The following LPCAT1 variants were observed in gnomAD, a reference collection of about 807,000 sequenced individuals.
The protein encoded by LPCAT1 is 1-acylglycerol-3-phosphate O-acyltransferase.
LPCAT1 carries 23 observed loss-of-function variants against 60.9 expected under a neutral mutation model. That is an observed-to-expected ratio of 0.38 (90% CI 0.27 to 0.53). The LOEUF (loss-of-function observed/expected upper bound fraction) is 0.53, where lower values mean the gene tolerates loss of function less well. Ranked by LOEUF, LPCAT1 falls within the 20% of genes least tolerant of loss-of-function variation. The pLI is 0.82. For missense variants in LPCAT1, 622 were observed against 723.6 expected (o/e 0.86, Z 1.61); for synonymous variants, 340 against 301.1 (o/e 1.13, Z -1.34).
In LPCAT1 at chr5:1,501,417, G is replaced by C. The variant is rs752054716; in HGVS notation, c.278+44C>G. ...GAATGGGTTCCCACTGTTTGGCCGC[G>C]TGACCCCCCCCCAGGAGGAGAGCAC... is the stretch of plus-strand genomic sequence containing the variant. On this transcript the variant is annotated intron_variant, in intron 2 of 13. Transcript: ENST00000283415. 3.8e-6 allele frequency: 6 copies of C among 1,567,948 alleles called. No homozygotes were observed. In the East Asian group the frequency reaches 1.4e-4, roughly 37 times the overall value.
chr5:1,464,039 C>A (rs548338145), intron 13 of LPCAT1, among the ~76,000 whole-genome samples: 2 of 152,192 alleles, frequency 1.3e-5, no homozygotes, highest in African/African-American at 4.8e-5. Flanking sequence ...CCCTGACAAC[C>A]GGGGCAGGCT....
intron 1 of LPCAT1, among the ~76,000 whole-genome samples, chr5:1,511,803 C>T (rs535224247): frequency 6.6e-6 from 1 of 152,352 alleles, no homozygotes; most frequent in South Asian, 2.1e-4. Context: ...GTCCATCGAG[C>T]AGCCTCATGC....
At chr5:1,515,541 C>A (rs1332148888) in intron 1 of LPCAT1, among the ~76,000 whole-genome samples, 1 of 144,954 alleles carries the variant, frequency 6.9e-6, no homozygotes, top group Admixed American at 7.1e-5. Context: ...GATACAGGGG[C>A]CCCCCAGAAC....
chr5:1,514,505 C>T (rs1480107315), intron 1 of LPCAT1, among the ~76,000 whole-genome samples: 7 of 152,208 alleles, frequency 4.6e-5, no homozygotes, highest in South Asian at 2.1e-4. Context: ...CACTGGGGGA[C>T]TCAAAGTCCA....
chr5:1,483,889 C>T lies in LPCAT1; in HGVS notation c.668-403G>A. On this transcript the variant is annotated intron_variant, in intron 5 of 13. Transcript: ENST00000283415. This position sits in a 1 kb window ranked among gnomAD's most constrained non-coding sequence, Gnocchi z 9.2. ...GGACACTTGCTATTATAACATTGCG[C>T]ACGAGCTGGAAGACATCCGTGGAGG... Among the ~76,000 whole-genome samples, 1 of 150,872 alleles carries T rather than the reference C, an allele frequency of 6.6e-6. No individual in the cohort carries two copies. Among genetic ancestry groups the T allele is most frequent in the Non-Finnish European group, 1.5e-5 (1 of 67,776 alleles).
In LPCAT1 at chr5:1,476,270, C is replaced by T. The variant is rs973122492; in HGVS notation, c.899+1134G>A. Among the ~76,000 whole-genome samples, 2 of 152,154 alleles carry T rather than the reference C, an allele frequency of 1.3e-5. No homozygotes were observed. The highest frequency in any genetic ancestry group is 6.5e-5 in the Admixed American group (1 of 15,274). ...GTGGGAATGCATTCCCCTGGCTCGG[C>T]GCCTACTCAGCTTTTTGTATTGTTC... On this transcript the variant is annotated intron_variant, in intron 9 of 13. Transcript: ENST00000283415. The surrounding 1 kb of genome is among the most constrained non-coding windows in gnomAD (Gnocchi z 8.6).
At chr5:1,516,801 G>A (rs748022393) in intron 1 of LPCAT1, among the ~76,000 whole-genome samples, 2 of 152,186 alleles carry the variant, frequency 1.3e-5, no homozygotes, top group East Asian at 1.9e-4. Context: ...CACAGGGGAC[G>A]AGGGCACAGG....
In LPCAT1 at chr5:1,462,852, A is replaced by C. The variant is rs1346611051; in HGVS notation, c.*799T>G. On this transcript the variant is annotated 3_prime_UTR_variant, in exon 14 of 14. Coordinates refer to ENST00000283415, the MANE Select transcript of LPCAT1 (RefSeq NM_024830.5). Reference sequence around the variant, plus strand: ...GCCAACGTTTATAAAAAAAGAGGGGACTGGAAAAGGATTAAGAAAAGCAGA... The same window carrying C: ...GCCAACGTTTATAAAAAAAGAGGGGCCTGGAAAAGGATTAAGAAAAGCAGA... 6.6e-6 allele frequency: 1 copy of C among 152,214 alleles called. No homozygotes were observed. The highest frequency in any genetic ancestry group is 1.5e-5 in the Non-Finnish European group (1 of 68,046). 9.4% of individuals were successfully genotyped at this position (152,214 alleles called of 1,614,324 possible). A position where few individuals can be genotyped will look rare whatever the true frequency, so the allele number is the denominator to read the frequency against.
At chr5:1,517,584 C>T (rs981335388) in intron 1 of LPCAT1, among the ~76,000 whole-genome samples, 7 of 152,190 alleles carry the variant, frequency 4.6e-5, no homozygotes, top group South Asian at 4.1e-4. Context: ...AGTCGAGTCC[C>T]GTGCCCGGCT....
Position 1,483,467 on chromosome 5 carries a change from C to T in LPCAT1, c.687G>A (p.Ala229=), listed in dbSNP as rs374216703. Residue 229 remains alanine (A), a synonymous_variant, in exon 6 of 14, where the codon GCG becomes GCA. Coordinates refer to ENST00000283415, the MANE Select transcript of LPCAT1 (RefSeq NM_024830.5). The surrounding 1 kb of genome is among the most constrained non-coding windows in gnomAD (Gnocchi z 9.2). The part of the protein sequence containing the change: ...TFKPGAFIPG[A]PVQPVVLRYP... ...ATCGTAAAACCACAGGCTGGACGGG[C>T]GCTCCAGGGATGAATGCACCTGCCG... 110 of 1,613,554 alleles carry T rather than the reference C, an allele frequency of 6.8e-5. No individual in the cohort carries two copies. Among genetic ancestry groups the T allele is most frequent in the African/African-American group, 1.2e-4 (9 of 74,942 alleles).
At position 1,480,276 on chromosome 5, in the gene LPCAT1, G is replaced by A. The variant is rs1430457974; in HGVS notation, c.762-601C>T. On this transcript the variant is annotated intron_variant, in intron 7 of 13. Transcript: ENST00000283415. This position sits in a 1 kb window ranked among gnomAD's most constrained non-coding sequence, Gnocchi z 6.4. ...TGCTCCCAGCTGGGAGCCTCCACACGCCAGCCTGGGAAGCGCTGACCTCAA... is the reference window on the plus strand; with the variant it reads ...TGCTCCCAGCTGGGAGCCTCCACACACCAGCCTGGGAAGCGCTGACCTCAA... 5.2e-6 allele frequency: 5 copies of A among 953,618 alleles called. No homozygotes were observed. The highest frequency in any genetic ancestry group is 5.0e-6 in the Non-Finnish European group (4 of 806,348). 59.1% of individuals were successfully genotyped at this position (953,618 alleles called of 1,614,324 possible). A position where few individuals can be genotyped will look rare whatever the true frequency, so the allele number is the denominator to read the frequency against.
Position 1,476,909 on chromosome 5 carries a change from G to A in LPCAT1, c.899+495C>T, listed in dbSNP as rs1356518433. Among the ~76,000 whole-genome samples, 1 of 152,182 alleles carries A rather than the reference G, an allele frequency of 6.6e-6. No individual in the cohort carries two copies. Among genetic ancestry groups the A allele is most frequent in the East Asian group, 1.9e-4 (1 of 5,194 alleles). On this transcript the variant is annotated intron_variant, in intron 9 of 13. Transcript: ENST00000283415. The surrounding 1 kb of genome is among the most constrained non-coding windows in gnomAD (Gnocchi z 8.6). Reference sequence around the variant, plus strand: ...AGCAGGGGACCTGGGACCATGGGAAGCGAGGACATTCCCTCTTCCTAACTG... The same window carrying A: ...AGCAGGGGACCTGGGACCATGGGAAACGAGGACATTCCCTCTTCCTAACTG...
At chr5:1,493,813 TG>T (rs1279450486) in intron 3 of LPCAT1, among the ~76,000 whole-genome samples, 2 of 152,222 alleles carry the variant, frequency 1.3e-5, no homozygotes, top group African/African-American at 4.8e-5. Flanking sequence ...CCCTGGAACC[TG>T]TGAATGAGGC....
rs1298362500 is a variant in LPCAT1, at chr5:1,476,525, G to C, written c.899+879C>G. Among the ~76,000 whole-genome samples, 3 of 152,136 alleles carry C rather than the reference G, an allele frequency of 2.0e-5. No homozygotes were observed. The highest frequency in any genetic ancestry group is 2.9e-5 in the Non-Finnish European group (2 of 68,036). On this transcript the variant is annotated intron_variant, in intron 9 of 13. Coordinates refer to ENST00000283415, the MANE Select transcript of LPCAT1 (RefSeq NM_024830.5). The surrounding 1 kb of genome is among the most constrained non-coding windows in gnomAD (Gnocchi z 8.6). ...GGCTGTGTTCCCCTCTGGGCTCTCT[G>C]GAGAGGCGAGTTCCCAGCCATGCCC...
At position 1,481,835 on chromosome 5, in the gene LPCAT1, G is replaced by A. The variant is rs1476866483; in HGVS notation, c.727-859C>T. On this transcript the variant is annotated intron_variant, in intron 6 of 13. Transcript: ENST00000283415. The surrounding 1 kb of genome is among the most constrained non-coding windows in gnomAD (Gnocchi z 7.8). The stretch of plus-strand genomic sequence containing the variant: ...GAAGGAAGAGGTCTTTCAGTCGTGT[G>A]ACTACCGGCCCTGACTCCATTTTAT... Among the ~76,000 whole-genome samples, 1 of 152,232 alleles carries A rather than the reference G, an allele frequency of 6.6e-6. No individual in the cohort carries two copies. Among genetic ancestry groups the A allele is most frequent in the Non-Finnish European group, 1.5e-5 (1 of 68,044 alleles).
In LPCAT1 at chr5:1,481,919, C is replaced by G. The variant is rs1735161126; in HGVS notation, c.727-943G>C. 6.6e-6 allele frequency among the ~76,000 whole-genome samples: 1 copy of G among 152,276 alleles called. No homozygotes were observed. The highest frequency in any genetic ancestry group is 1.5e-5 in the Non-Finnish European group (1 of 68,050). On this transcript the variant is annotated intron_variant, in intron 6 of 13. Coordinates refer to ENST00000283415, the MANE Select transcript of LPCAT1 (RefSeq NM_024830.5). The surrounding 1 kb of genome is among the most constrained non-coding windows in gnomAD (Gnocchi z 7.8). The stretch of plus-strand genomic sequence containing the variant: ...CCCGGCAGGCATCGGACGGGACAGG[C>G]CCTGAGGCGGATGGCCCAGAACCCT...
chr5:1,466,603 G>A (rs1734415703), intron 13 of LPCAT1, 146 bp downstream of exon 13: 1 of 808,398 alleles, frequency 1.2e-6, no homozygotes. Context: ...CCTTCTCAGG[G>A]GTTTCTTTGT....
At chr5:1,474,355 C>G (rs947645667) in intron 10 of LPCAT1, among the ~76,000 whole-genome samples, 1 of 152,238 alleles carries the variant, frequency 6.6e-6, no homozygotes, top group Non-Finnish European at 1.5e-5. Context: ...CAGGGTGGCC[C>G]TCCTGGGGCG....
chr5:1,488,949 C>T (rs1451907047), intron 4 of LPCAT1, among the ~76,000 whole-genome samples: 2 of 152,250 alleles, frequency 1.3e-5, no homozygotes, highest in African/African-American at 4.8e-5. Flanking sequence ...AGGCAGCACC[C>T]TCCACACCGG....
Sources: gnomAD v4.1 joint callset for allele counts (sites outside exome capture counted in the v4.1 genomes callset) on GRCh38, gnomAD v4.1.1 for gene constraint, Gnocchi (gnomAD v3.1) non-coding constraint, MANE v1.5 for transcripts, NCBI Gene and HGNC (gene_info 2026-07-23, HGNC 2026-07-21) for gene names.